Variants in SLC2A14 observed in about 807,000 individuals in gnomAD.
SLC2A14 encodes solute carrier family 2, facilitated glucose transporter member 14.
SLC2A14 carries 13 observed loss-of-function variants against 43.0 expected under a neutral mutation model. The ratio of observed to expected loss-of-function variants is 0.30; its 90% CI spans 0.20 to 0.48. The LOEUF (loss-of-function observed/expected upper bound fraction) is 0.48, where lower values mean the gene tolerates loss of function less well. Among genes scored for constraint, SLC2A14 ranks in the 20% least tolerant of loss-of-function variants. The pLI, the probability that SLC2A14 is intolerant of heterozygous loss-of-function variation, is 0.99. For synonymous variants in SLC2A14, 190 were observed against 233.8 expected, an observed-to-expected ratio of 0.81 and a Z score of 1.71; for missense variants, 428 against 620.4, an observed-to-expected ratio of 0.69 and a Z score of 3.29.
chr12:7,865,665 C>A (rs754546243), intron 2 of SLC2A14, among the ~76,000 whole-genome samples: 1 of 152,186 alleles, frequency 6.6e-6, no homozygotes, highest in Admixed American at 6.5e-5. Context: ...CTCAGGCCTC[C>A]CTATTTCCTG....
chr12:7,836,428 G>C (rs1044716516), intron 2 of SLC2A14, among the ~76,000 whole-genome samples: 18 of 151,930 alleles, frequency 1.2e-4, no homozygotes, highest in Non-Finnish European at 2.2e-4. Context: ...CATCATGTTA[G>C]CCAGGCTGGT....
At chr12:7,883,600 T>TTG (rs1945633121) in intron 1 of SLC2A14, among the ~76,000 whole-genome samples, 1 of 137,880 alleles carries the variant, frequency 7.3e-6, no homozygotes, top group African/African-American at 2.7e-5. Flanking sequence ...CTTTTTTTTT[T>TTG]TTTTTTTTTT....
chr12:7,876,088 G>T (rs1439119487), upstream of SLC2A14, among the ~76,000 whole-genome samples: 1 of 151,864 alleles, frequency 6.6e-6, no homozygotes, highest in African/African-American at 2.4e-5. Flanking sequence ...AGACCTGCCT[G>T]GCCAGCATTG....
At position 7,814,552 on chromosome 12, in the gene SLC2A14, A is replaced by G. The variant is rs1326508875; in HGVS notation, c.1276-18T>C. 7 of 1,601,442 alleles carry G rather than the reference A, an allele frequency of 4.4e-6. No individual in the cohort carries two copies. In the African/African-American group the frequency reaches 9.4e-5, roughly 22 times the overall value. Reference sequence around the variant, plus strand: ...AAATAGTACTAGTGAAAGGACAGAAAAAAGGAAGGTTGATATAAAAATCTG... The same window carrying G: ...AAATAGTACTAGTGAAAGGACAGAAGAAAGGAAGGTTGATATAAAAATCTG... On this transcript the variant is annotated intron_variant, in intron 10 of 10. Transcript: ENST00000431042.
chr12:7,838,929 A>G (rs1865687207), intron 2 of SLC2A14, among the ~76,000 whole-genome samples: 1 of 151,864 alleles, frequency 6.6e-6, no homozygotes, highest in African/African-American at 2.4e-5. Flanking sequence ...GAAGAGGAAG[A>G]GGCATTAGGC....
chr12:7,829,711 T>A, intron 5 of SLC2A14, 55 bp downstream of exon 5: 1 of 1,599,092 alleles, frequency 6.3e-7, no homozygotes, highest in South Asian at 1.1e-5. Flanking sequence ...CTATGTTAAC[T>A]TTTTTAATGA....
chr12:7,818,880 C>T (rs922611931), intron 9 of SLC2A14, among the ~76,000 whole-genome samples: 1 of 151,912 alleles, frequency 6.6e-6, no homozygotes, highest in Admixed American at 6.6e-5. Flanking sequence ...TGTACTGAGA[C>T]CCCGTCATCA....
intron 2 of SLC2A14, among the ~76,000 whole-genome samples, chr12:7,863,210 G>A (rs1334105955): frequency 6.6e-6 from 1 of 152,006 alleles, no homozygotes; most frequent in African/African-American, 2.4e-5. Context: ...GACTCCTGAC[G>A]CGCTGCCTTA....
intron 1 of SLC2A14, among the ~76,000 whole-genome samples, chr12:7,882,040 C>A (rs1321021693): frequency 6.6e-6 from 1 of 152,074 alleles, no homozygotes; most frequent in Admixed American, 6.6e-5. Flanking sequence ...TAAAAGCAGG[C>A]TGCCCGGGCC....
chr12:7,815,598 C>T (rs995502942), intron 10 of SLC2A14, among the ~76,000 whole-genome samples: 15 of 151,962 alleles, frequency 9.9e-5, no homozygotes, highest in Admixed American at 4.6e-4. Flanking sequence ...TTTTTTGAGA[C>T]GGAGTTTCGC....
intron 2 of SLC2A14, among the ~76,000 whole-genome samples, chr12:7,841,940 G>A (rs1033369052): frequency 1.3e-4 from 20 of 151,848 alleles, no homozygotes; most frequent in East Asian, 1.9e-4. Flanking sequence ...AGGAGGCAGA[G>A]GTTACAGTGA....
Position 7,827,586 on chromosome 12 carries a change from A to G in SLC2A14, c.773T>C (p.Val258Ala). ...GCTGGACACTCTAAAGAGCTCCAGC[A>G]CGGTGACTTGCTTTTCTTGTGACAT... ...ARMSQEKQVTVLELFRVSSYR... is the reference protein window; with the variant it reads ...ARMSQEKQVTALELFRVSSYR... The change falls in exon 7 of 11, where the codon GTG (valine) becomes GCG (alanine). Residue 258 changes from valine (V) to alanine (A), a missense_variant. By Grantham distance (64) the Val-to-Ala change is moderately conservative. Transcript: ENST00000431042. 1 of 1,613,318 alleles carries G rather than the reference A, an allele frequency of 6.2e-7. No homozygotes were observed. Among genetic ancestry groups the G allele is most frequent in the South Asian group, 1.1e-5 (1 of 91,002 alleles).
intron 2 of SLC2A14, 70 bp from the exon 3 acceptor site, chr12:7,832,884 A>C: frequency 6.8e-7 from 1 of 1,467,406 alleles, no homozygotes; most frequent in Non-Finnish European, 9.5e-7. Context: ...TTTCTTATTA[A>C]TTATGGAGCT....
At chr12:7,822,066 C>T (rs1482899423) in intron 7 of SLC2A14, among the ~76,000 whole-genome samples, 12 of 151,672 alleles carry the variant, frequency 7.9e-5, no homozygotes, top group East Asian at 2.0e-4. Flanking sequence ...CCTCATGATC[C>T]GCCCGCCTCG....
At chr12:7,883,911 C>T (rs1039843336) in intron 1 of SLC2A14, among the ~76,000 whole-genome samples, 1 of 83,278 alleles carries the variant, frequency 1.2e-5, no homozygotes. Flanking sequence ...TCTGAATTAA[C>T]TTTTCTTTCT....
upstream of SLC2A14, chr12:7,873,302 C>A (rs964572945): frequency 3.1e-5 from 31 of 985,420 alleles, no homozygotes; most frequent in Non-Finnish European, 3.5e-5. Flanking sequence ...GCTATCCCCG[C>A]GGGCGGGCCG....
chr12:7,832,907 T>A (rs1865154028), intron 2 of SLC2A14, 93 bp from the exon 3 acceptor site: 8 of 1,266,568 alleles, frequency 6.3e-6, no homozygotes, highest in Non-Finnish European at 9.0e-6. Flanking sequence ...ATTAGGAGAA[T>A]CTGACCTATG....
At chr12:7,871,197 C>A in intron 1 of SLC2A14, 1 of 1,259,672 alleles carries the variant, frequency 7.9e-7, no homozygotes, top group Non-Finnish European at 1.0e-6. Flanking sequence ...ACGAGGAATC[C>A]TCAGGTTTCA....
chr12:7,832,634 C>A, intron 3 of SLC2A14, 88 bp downstream of exon 3: 2 of 1,470,596 alleles, frequency 1.4e-6, no homozygotes, highest in Non-Finnish European at 1.9e-6. Flanking sequence ...TGCCACCATG[C>A]CTGGCCTTAA....
Sources: allele counts gnomAD v4.1 joint callset (sites outside exome capture counted in the v4.1 genomes callset), GRCh38; gene constraint gnomAD v4.1.1; transcripts MANE v1.5; gene names NCBI Gene and HGNC (gene_info 2026-07-23, HGNC 2026-07-21).